Variants in DSCAM observed in about 807,000 individuals in gnomAD.
DSCAM encodes cell adhesion molecule DSCAM.
A neutral mutation model predicts 217.7 loss-of-function variants in DSCAM; 47 were observed. That is an observed-to-expected ratio of 0.22 (90% CI 0.17 to 0.28). The LOEUF (loss-of-function observed/expected upper bound fraction) is 0.28. Ranked by LOEUF, DSCAM falls within the 10% of genes least tolerant of loss-of-function variation. DSCAM has a pLI of 1.00. For missense variants in DSCAM, 2,080 were observed against 2,618.3 expected, an observed-to-expected ratio of 0.79 and a Z score of 4.49; for synonymous variants, 1,056 against 1,015.3, an observed-to-expected ratio of 1.04 and a Z score of -0.76.
intron 1 of DSCAM, among the ~76,000 whole-genome samples, chr21:40,808,964 C>G (rs940233214): frequency 6.6e-6 from 1 of 152,140 alleles, no homozygotes; most frequent in African/African-American, 2.4e-5. Context: ...TAACTTCTAC[C>G]CCAGAGACTA....
At chr21:40,065,960 CCTCT>C (rs561150803) in intron 27 of DSCAM, among the ~76,000 whole-genome samples, 1,578 of 152,338 alleles carry the variant, frequency 0.01, 13 homozygotes, top group South Asian at 0.032. Flanking sequence ...TAACCTCCAA[CCTCT>C]CTCTGAGTTT....
chr21:40,305,871 A>G (rs1411407114), intron 9 of DSCAM, among the ~76,000 whole-genome samples: 1 of 152,182 alleles, frequency 6.6e-6, no homozygotes, highest in African/African-American at 2.4e-5. Context: ...GAAGTCAGGT[A>G]GCATGATGCC....
chr21:40,318,108 T>G (rs558093850), intron 8 of DSCAM, among the ~76,000 whole-genome samples: 2 of 143,856 alleles, frequency 1.4e-5, no homozygotes, highest in East Asian at 4.2e-4. Flanking sequence ...CACCGCATGT[T>G]CTCACTCATA....
chr21:40,613,553 C>T (rs1017615308), intron 3 of DSCAM, among the ~76,000 whole-genome samples: 3 of 152,090 alleles, frequency 2.0e-5, no homozygotes, highest in African/African-American at 7.2e-5. Context: ...CTCATTAATT[C>T]ATCAATATAA....
chr21:40,735,209 T>C (rs17758303), intron 1 of DSCAM, among the ~76,000 whole-genome samples: 1,807 of 152,356 alleles, frequency 0.012, 34 homozygotes, highest in African/African-American at 0.041. Flanking sequence ...CATCCTATTA[T>C]GCTTGCATTT....
chr21:40,346,713 A>G (rs1383624017), intron 6 of DSCAM, among the ~76,000 whole-genome samples: 1 of 152,226 alleles, frequency 6.6e-6, no homozygotes, highest in Non-Finnish European at 1.5e-5. Context: ...AAAACCTGTT[A>G]TTATACCACA....
intron 13 of DSCAM, 151 bp from the exon 14 acceptor site, chr21:40,187,410 C>G: frequency 2.7e-6 from 3 of 1,112,320 alleles, no homozygotes; most frequent in Non-Finnish European, 3.7e-6. Context: ...TTTTCCTAAT[C>G]ACATTTTAGG....
In DSCAM at chr21:40,517,404, AACACACACACAC is replaced by A. The variant is rs3070750; in HGVS notation, c.509-148171_509-148160del. On this transcript the variant is annotated intron_variant, in intron 3 of 32. Transcript: ENST00000400454. ...CACACATCTATACACACACACAAGC[AACACACACACAC>A]ACACACACACACACACACACAGACA... Among the ~76,000 whole-genome samples, 1,040 of 144,768 alleles carry A rather than the reference AACACACACACAC, an allele frequency of 7.2e-3. 6 individuals are homozygous for A. The highest frequency in any genetic ancestry group is 8.0e-3 in the Non-Finnish European group (529 of 66,346). The allele number at this position is 144,768 out of a possible 152,430, so 95.0% of individuals were successfully genotyped here.
intron 4 of DSCAM, among the ~76,000 whole-genome samples, chr21:40,365,302 T>C (rs1055471460): frequency 1.3e-5 from 2 of 152,178 alleles, no homozygotes; most frequent in African/African-American, 2.4e-5. Context: ...AAGACTAGAC[T>C]GGCTTAGTCC....
At chr21:40,691,799 C>T (rs1801512867) in intron 3 of DSCAM, among the ~76,000 whole-genome samples, 1 of 152,144 alleles carries the variant, frequency 6.6e-6, no homozygotes, top group African/African-American at 2.4e-5. Flanking sequence ...GCTATGATGG[C>T]AATGTATTTC....
rs114621957 is a variant in DSCAM at position 40,255,046 on chromosome 21, T to C, written c.2356+21051A>G. On this transcript the variant is annotated intron_variant, in intron 11 of 32. Coordinates refer to ENST00000400454, the MANE Select transcript of DSCAM (RefSeq NM_001389.5). ...CTAAGGCCCAGCACTGGCAGTTGTA[T>C]AGATTAGACTTCCAATATATAATTA... Among the ~76,000 whole-genome samples, 712 of 152,286 alleles carry C rather than the reference T, an allele frequency of 4.7e-3. 5 individuals carry two copies. The highest frequency in any genetic ancestry group is 0.016 in the African/African-American group (660 of 41,552).
chr21:40,040,042 C>T (rs1049400765), intron 32 of DSCAM, among the ~76,000 whole-genome samples: 9 of 152,086 alleles, frequency 5.9e-5, no homozygotes, highest in Non-Finnish European at 1.0e-4. Context: ...TAAACTGCAA[C>T]CTTGTATTTT....
chr21:40,228,264 C>T (rs1262601349), intron 11 of DSCAM, among the ~76,000 whole-genome samples: 1 of 152,114 alleles, frequency 6.6e-6, no homozygotes, highest in Non-Finnish European at 1.5e-5. Flanking sequence ...TCCATGTCGT[C>T]CTTTCTGGAA....
chr21:40,562,139 C>G (rs917037344), intron 3 of DSCAM, among the ~76,000 whole-genome samples: 3 of 152,110 alleles, frequency 2.0e-5, no homozygotes, highest in Non-Finnish European at 2.9e-5. Flanking sequence ...GCTTTGTGTC[C>G]CCACCTAAAT....
At chr21:40,782,343 G>A (rs2091554466) in intron 1 of DSCAM, among the ~76,000 whole-genome samples, 1 of 152,166 alleles carries the variant, frequency 6.6e-6, no homozygotes, top group Non-Finnish European at 1.5e-5. Context: ...ATCGGTAATG[G>A]GCTTTCATTT....
chr21:40,211,665 C>CAGTG (rs766452623), intron 11 of DSCAM, among the ~76,000 whole-genome samples: 3 of 152,220 alleles, frequency 2.0e-5, no homozygotes, highest in Non-Finnish European at 4.4e-5. Flanking sequence ...TTTCCAAAGG[C>CAGTG]AGTGACTTGT....
rs922687791 is a variant in DSCAM, at chr21:40,475,855, T to A, written c.509-106610A>T. On this transcript the variant is annotated intron_variant, in intron 3 of 32. Transcript: ENST00000400454. ...TAAATAAATAAATTAATAAATAAAA[T>A]TTAAAAAAAAACACATCAGCCTATT... Among the ~76,000 whole-genome samples, 27 of 143,338 alleles carry A rather than the reference T, an allele frequency of 1.9e-4. No homozygotes were observed. The South Asian group carries it at 5.0e-3, about 26-fold the overall frequency. 94.0% of individuals were successfully genotyped at this position (143,338 alleles called of 152,430 possible). A position where few individuals can be genotyped will look rare whatever the true frequency, so the allele number is the denominator to read the frequency against.
At chr21:40,420,167 AC>A in intron 3 of DSCAM, among the ~76,000 whole-genome samples, 1 of 152,326 alleles carries the variant, frequency 6.6e-6, no homozygotes, top group South Asian at 2.1e-4. Flanking sequence ...TGAGATAATC[AC>A]AATGTAACAC....
chr21:40,286,015 A>C lies in DSCAM; in HGVS notation c.2183-9745T>G, dbSNP rs142901104. On this transcript the variant is annotated intron_variant, in intron 10 of 32. Transcript: ENST00000400454. ...TGGGTGTGGAGTCTTGGGGTGCTCT[A>C]AACAACACAGAGCAAGACAAATGGT... Among the ~76,000 whole-genome samples, 4 of 152,130 alleles carry C rather than the reference A, an allele frequency of 2.6e-5. No individual in the cohort carries two copies. In the East Asian group the frequency reaches 7.7e-4, roughly 29 times the overall value.
Sources: allele counts gnomAD v4.1 joint callset (sites outside exome capture counted in the v4.1 genomes callset), GRCh38; gene constraint gnomAD v4.1.1; transcripts MANE v1.5; gene names NCBI Gene and HGNC (gene_info 2026-07-23, HGNC 2026-07-21).